The following DGKZ variants were observed in gnomAD, a reference collection of about 807,000 sequenced individuals.
DGKZ encodes diacylglycerol kinase zeta.
Under a neutral mutation model 142.5 loss-of-function variants are expected in DGKZ, and 45 were observed. The observed-to-expected ratio is 0.32, with a 90% CI of 0.25 to 0.40. DGKZ has a LOEUF of 0.40. DGKZ is among the 10% of genes least tolerant of loss of function. The pLI is 1.00. For missense variants in DGKZ, 755 were observed against 1,306.5 expected, an observed-to-expected ratio of 0.58 and a Z score of 6.51; for synonymous variants, 442 against 527.0, an observed-to-expected ratio of 0.84 and a Z score of 2.21.
Position 46,347,858 on chromosome 11 carries a change from G to A in DGKZ, c.161+38G>A. ...GCGGCGGGGCAGGCACCGAGGCACC[G>A]GCAGGTTACCGCTCCCTCACCGGGG... On this transcript the variant is annotated intron_variant, in intron 1 of 30. Coordinates refer to ENST00000527911, the Ensembl canonical transcript of DGKZ. The surrounding 1 kb of genome is among the most constrained non-coding windows in gnomAD (Gnocchi z 6.4). 1 of 1,273,304 alleles carries A rather than the reference G, an allele frequency of 7.9e-7. No individual in the cohort carries two copies. The highest frequency in any genetic ancestry group is 2.4e-5 in the South Asian group (1 of 41,078). The allele number at this position is 1,273,304 out of a possible 1,614,324, so 78.9% of individuals were successfully genotyped here.
intron 1 of DGKZ, chr11:46,333,561 T>A (rs1208142171): frequency 7.3e-7 from 1 of 1,370,414 alleles, no homozygotes; most frequent in Non-Finnish European, 1.0e-6. Flanking sequence ...GCACAAACGT[T>A]TATTGTGCGC....
In DGKZ at chr11:46,366,733, G is replaced by A. The variant is rs1943324252; in HGVS notation, c.162-558G>A. The stretch of plus-strand genomic sequence containing the variant: ...CGCTGTTGCCCCTACCCCGCTACCT[G>A]CGCCGAGCCTCCTCCCACCTGCTCC... On this transcript the variant is annotated intron_variant, in intron 1 of 30. Coordinates refer to ENST00000527911, the Ensembl canonical transcript of DGKZ. 1 of 1,552,528 alleles carries A rather than the reference G, an allele frequency of 6.4e-7. No homozygotes were observed. Among genetic ancestry groups the A allele is most frequent in the African/African-American group, 1.4e-5 (1 of 73,296 alleles).
At chr11:46,341,514 A>C (rs1302896151) in intron 1 of DGKZ, among the ~76,000 whole-genome samples, 2 of 152,236 alleles carry the variant, frequency 1.3e-5, no homozygotes, top group Non-Finnish European at 2.9e-5. Flanking sequence ...AATGACCAAA[A>C]ACTTGGAAAT....
chr11:46,333,107 C>A (rs1939850882), exon 1 of DGKZ: 1 of 508,566 alleles, frequency 2.0e-6, no homozygotes, highest in Non-Finnish European at 3.0e-6. Context: ...GCGCAGCGCC[C>A]AGCATCTCGC....
upstream of DGKZ, among the ~76,000 whole-genome samples, chr11:46,342,791 G>A (rs539265477): frequency 6.6e-6 from 1 of 152,336 alleles, no homozygotes; most frequent in African/African-American, 2.4e-5. Context: ...AGACAGGTAA[G>A]CTTAGCAGCC....
intron 1 of DGKZ, among the ~76,000 whole-genome samples, chr11:46,350,681 G>A (rs563637419): frequency 1.3e-5 from 2 of 152,310 alleles, no homozygotes; most frequent in East Asian, 3.9e-4. Flanking sequence ...GGGCTTGGCA[G>A]GGGGTCTTGA....
At chr11:46,343,123 CAAAA>C (rs367778977), upstream of DGKZ, among the ~76,000 whole-genome samples, 1 of 137,394 alleles carries the variant, frequency 7.3e-6, no homozygotes, top group African/African-American at 2.7e-5. Context: ...GGCTCAGTCT[CAAAA>C]AAAAACAAAA....
intron 4 of DGKZ, chr11:46,368,591 A>ATCATAC: frequency 3.8e-6 from 1 of 265,610 alleles, no homozygotes; most frequent in Admixed American, 5.0e-5. Context: ...AGCGCTTCCC[A>ATCATAC]GCCTGCAGAA....
At chr11:46,373,936 G>C (rs1168123986) in intron 14 of DGKZ, among the ~76,000 whole-genome samples, 1 of 152,266 alleles carries the variant, frequency 6.6e-6, no homozygotes, top group Admixed American at 6.5e-5. Flanking sequence ...GGAGCTGACA[G>C]GGAAGAGATG....
chr11:46,369,284 GAAGGA>G, intron 4 of DGKZ: 1 of 642,928 alleles, frequency 1.6e-6, no homozygotes. Context: ...CTGGGTGGAA[GAAGGA>G]AAGATCCCTC....
chr11:46,345,139 T>C (rs547214841), upstream of DGKZ: 2 of 630,938 alleles, frequency 3.2e-6, no homozygotes, highest in East Asian at 3.9e-5. The surrounding 1 kb of genome is among the most constrained non-coding windows in gnomAD (Gnocchi z 4.1). Flanking sequence ...ACAGTTTAAA[T>C]GGAGAGGAAA....
intron 1 of DGKZ, among the ~76,000 whole-genome samples, chr11:46,341,179 G>C (rs1940259712): frequency 6.6e-6 from 1 of 152,138 alleles, no homozygotes; most frequent in African/African-American, 2.4e-5. Flanking sequence ...TGGCCACTTA[G>C]GCAAACAAGA....
chr11:46,366,359 C>A lies in DGKZ; in HGVS notation c.162-932C>A, dbSNP rs369668814. 250 of 1,528,342 alleles carry A rather than the reference C, an allele frequency of 1.6e-4. No individual in the cohort carries two copies. Among genetic ancestry groups the A allele is most frequent in the Non-Finnish European group, 2.1e-4 (245 of 1,143,740 alleles). The allele number at this position is 1,528,342 out of a possible 1,614,324, so 94.7% of individuals were successfully genotyped here. A position where few individuals can be genotyped will look rare whatever the true frequency, so the allele number is the denominator to read the frequency against. ...GGGGCTGCCCACAGGCAAGGCCCGG[C>A]GTCGCTCCCCCGCTGGGCAGGCCTC... is the stretch of plus-strand genomic sequence containing the variant. On this transcript the variant is annotated intron_variant, in intron 1 of 30. Transcript: ENST00000527911.
chr11:46,345,590 G>A, upstream of DGKZ: 3 of 1,507,238 alleles, frequency 2.0e-6, no homozygotes, highest in Non-Finnish European at 2.7e-6. This position sits in a 1 kb window ranked among gnomAD's most constrained non-coding sequence, Gnocchi z 4.1. Context: ...GACACAGTAG[G>A]TACAAGGGGT....
At chr11:46,369,887 G>T (rs1432978261) in intron 5 of DGKZ, 54 bp from the exon 6 acceptor site, 31 of 1,596,430 alleles carry the variant, frequency 1.9e-5, no homozygotes, top group Middle Eastern at 1.7e-4. Context: ...CAGTCCTCAG[G>T]ACTGTGCCCC....
intron 1 of DGKZ, among the ~76,000 whole-genome samples, chr11:46,351,442 C>T (rs149062138): frequency 2.6e-5 from 4 of 152,344 alleles, no homozygotes; most frequent in East Asian, 3.9e-4. Context: ...ACGGCCCCAG[C>T]GAGCATGGCC....
chr11:46,350,078 G>A (rs1382896638), intron 1 of DGKZ, among the ~76,000 whole-genome samples: 1 of 152,182 alleles, frequency 6.6e-6, no homozygotes, highest in Non-Finnish European at 1.5e-5. Flanking sequence ...AGCACCTCTG[G>A]AAGCATGTAA....
rs1202930795 is a variant in DGKZ, at chr11:46,347,566, T to G, written c.-94T>G. ...GCGGAGCGAGCGCGCGCCATGGAGG[T>G]GGCGGGCGGCGCGGAGCGGGCGTGC... On this transcript the variant is annotated 5_prime_UTR_variant, in exon 1 of 31. Transcript: ENST00000527911. This position sits in a 1 kb window ranked among gnomAD's most constrained non-coding sequence, Gnocchi z 6.4. The G allele has an allele frequency of 9.5e-7, 1 of 1,049,528 alleles. No individual in the cohort carries two copies. The highest frequency in any genetic ancestry group is 4.5e-5 in the South Asian group (1 of 22,440). 65.0% of individuals were successfully genotyped at this position (1,049,528 alleles called of 1,614,324 possible).
rs938173729 is a variant in DGKZ, at chr11:46,378,328, C to T, written c.2374+99C>T. 5 of 1,541,810 alleles carry T rather than the reference C, an allele frequency of 3.2e-6. No homozygotes were observed. The African/African-American group carries it at 4.1e-5, about 13-fold the overall frequency. On this transcript the variant is annotated intron_variant, in intron 26 of 30. Transcript: ENST00000527911. ...GCCCAGACACAGCCTTACACAAACA[C>T]AGCCTTTGAGCTTCACGCACCAACG...
Sources: allele counts gnomAD v4.1 joint callset (sites outside exome capture counted in the v4.1 genomes callset), GRCh38; gene constraint gnomAD v4.1.1; non-coding constraint Gnocchi (gnomAD v3.1); transcripts MANE v1.5; gene names NCBI Gene and HGNC (gene_info 2026-07-23, HGNC 2026-07-21).